Variants in LAMB4 observed in about 807,000 individuals in gnomAD.
LAMB4 encodes laminin subunit beta-4.
In LAMB4, 196 loss-of-function variants were observed where a neutral mutation model predicts 199.2. The ratio of observed to expected loss-of-function variants is 0.98; its 90% CI spans 0.88 to 1.11. The LOEUF (loss-of-function observed/expected upper bound fraction) is 1.11. Ranked by LOEUF, LAMB4 falls within the 50% of genes least tolerant of loss-of-function variation. The probability of loss-of-function intolerance (pLI) is 0.00; values close to 1 mark genes in which losing one functional copy is unlikely to be tolerated. For synonymous variants in LAMB4, 744 were observed against 770.6 expected (o/e 0.97, Z 0.57); for missense variants, 2,080 against 2,171.2 (o/e 0.96, Z 0.83).
At chr7:108,072,905 G>A (rs1296899507) in intron 17 of LAMB4, among the ~76,000 whole-genome samples, 1 of 152,204 alleles carries the variant, frequency 6.6e-6, no homozygotes, top group African/African-American at 2.4e-5. Context: ...GGGGATGAGG[G>A]CAGCCAACCA....
rs759512463 is a variant in LAMB4 at position 108,106,026 on chromosome 7, C to CA, written c.660dup (p.Val221CysfsTer27). The stretch of plus-strand genomic sequence containing the variant: ...TTTATCCTCAGGTTTGTCAATGTCA[C>CA]AAGGTCTAAAGAAAGGAAAATAATG... On this transcript the variant is annotated frameshift_variant, in exon 8 of 34. Coordinates refer to ENST00000388781, the MANE Select transcript of LAMB4 (RefSeq NM_007356.3). LOFTEE classifies it high-confidence loss of function. 3 of 1,613,258 alleles carry CA rather than the reference C, an allele frequency of 1.9e-6. No individual in the cohort carries two copies. Among genetic ancestry groups the CA allele is most frequent in the Non-Finnish European group, 2.5e-6 (3 of 1,179,232 alleles).
Position 108,127,155 on chromosome 7 carries a change from T to G in LAMB4, c.-34+3151A>C, listed in dbSNP as rs934384386. On this transcript the variant is annotated intron_variant, in intron 1 of 33. Transcript: ENST00000388781. ...TAACCCAGTGCTTTCCAAACTTTAC[T>G]GCACATTAAAATCACCAGGGTTTTT... 1.0e-4 allele frequency among the ~76,000 whole-genome samples: 15 copies of G among 150,386 alleles called. No homozygotes were observed. In the East Asian group the frequency reaches 2.9e-3, roughly 29 times the overall value.
chr7:108,054,851 A>G (rs1195121945), intron 25 of LAMB4, among the ~76,000 whole-genome samples: 1 of 152,124 alleles, frequency 6.6e-6, no homozygotes, highest in African/African-American at 2.4e-5. Flanking sequence ...ATCTCAACAA[A>G]TGGTTAAATT....
chr7:108,017,893 A>G, the LAMB4 span, among the ~76,000 whole-genome samples: 1 of 152,230 alleles, frequency 6.6e-6, no homozygotes, highest in African/African-American at 2.4e-5. Context: ...GACCAGGTAT[A>G]TTTATTAGCA....
intron 29 of LAMB4, among the ~76,000 whole-genome samples, chr7:108,039,098 T>A (rs2150502263): frequency 6.6e-6 from 1 of 152,160 alleles, no homozygotes; most frequent in Admixed American, 6.5e-5. Context: ...TATTCTAAAC[T>A]GAGAGAATTA....
intron 1 of LAMB4, among the ~76,000 whole-genome samples, chr7:108,126,999 T>G (rs1466785560): frequency 6.6e-6 from 1 of 152,072 alleles, no homozygotes; most frequent in Non-Finnish European, 1.5e-5. Flanking sequence ...TCAATGTGTA[T>G]AAAACACTCC....
chr7:108,124,437 A>G (rs1348798988), intron 1 of LAMB4, among the ~76,000 whole-genome samples: 1 of 152,194 alleles, frequency 6.6e-6, no homozygotes, highest in Non-Finnish European at 1.5e-5. Context: ...GTGTGTGCAT[A>G]TAACCATATA....
chr7:108,038,205 G>A (rs546802120), intron 29 of LAMB4, among the ~76,000 whole-genome samples: 1 of 152,070 alleles, frequency 6.6e-6, no homozygotes, highest in East Asian at 1.9e-4. Context: ...TCACCAGGCT[G>A]GAGTGCAGTG....
chr7:108,026,844 T>C (rs752191432), intron 33 of LAMB4: 1 of 513,928 alleles, frequency 1.9e-6, no homozygotes, highest in East Asian at 5.5e-5. Context: ...CCGCCCCTTC[T>C]CAAGTGGCAG....
chr7:108,096,503 G>A (rs1025393753), intron 11 of LAMB4, among the ~76,000 whole-genome samples: 3 of 152,074 alleles, frequency 2.0e-5, no homozygotes. Flanking sequence ...ATTATTTTGG[G>A]TATATATGCA....
At chr7:108,081,320 C>T (rs1215704526) in intron 14 of LAMB4, among the ~76,000 whole-genome samples, 1 of 152,058 alleles carries the variant, frequency 6.6e-6, no homozygotes, top group Non-Finnish European at 1.5e-5. Flanking sequence ...GAGCTCACAG[C>T]CAATGACTGA....
At chr7:108,012,985 A>G in the LAMB4 span, among the ~76,000 whole-genome samples, 2 of 152,204 alleles carry the variant, frequency 1.3e-5, no homozygotes, top group East Asian at 3.8e-4. Context: ...ATTTGGACAC[A>G]TGCTTATTGG....
rs751341327 is a variant in LAMB4, at chr7:108,091,633, G to A, written c.1694C>T (p.Ala565Val). Residue 565 changes from alanine (A) to valine (V), a missense_variant, in exon 14 of 34, where the codon GCG (alanine) becomes GTG (valine). Physicochemically the swap from Ala to Val is moderately conservative, Grantham distance 64. Transcript: ENST00000388781. ...AEEATTLQGL[A>V]PLGSETFGQS... ...AGTAAATGAAATACGAACCAAAGGC[G>A]CCAGTCCTTGGAGTGTTGTGGCTTC... The A allele has an allele frequency of 1.2e-6, 2 of 1,613,052 alleles. No individual in the cohort carries two copies. The highest frequency in any genetic ancestry group is 1.7e-6 in the Non-Finnish European group (2 of 1,179,678).
At position 108,095,215 on chromosome 7, in the gene LAMB4, G is replaced by A; in HGVS notation, c.1470+13C>T. The A allele has an allele frequency of 1.3e-6, 2 of 1,589,922 alleles. No homozygotes were observed. The highest frequency in any genetic ancestry group is 1.7e-6 in the Non-Finnish European group (2 of 1,158,708). ...ATCACTATAGAAAAGGGAAACTATAGGCAAATACATACAGTGCATTCTTCG... is the reference window on the plus strand; with the variant it reads ...ATCACTATAGAAAAGGGAAACTATAAGCAAATACATACAGTGCATTCTTCG... On this transcript the variant is annotated intron_variant, in intron 12 of 33. Coordinates refer to ENST00000388781, the MANE Select transcript of LAMB4 (RefSeq NM_007356.3).
intron 28 of LAMB4, chr7:108,044,186 G>A: frequency 4.0e-6 from 1 of 246,952 alleles, no homozygotes; most frequent in Non-Finnish European, 7.6e-6. Flanking sequence ...TGTTTTAATG[G>A]GGCTTTAGCA....
chr7:108,048,133 G>A (rs1267762236), intron 27 of LAMB4, 22 bp from the exon 28 acceptor site: 17 of 1,006,786 alleles, frequency 1.7e-5, no homozygotes, highest in Non-Finnish European at 2.4e-5. Context: ...AATGATTTAC[G>A]TTAAATAGCA....
intron 2 of LAMB4, among the ~76,000 whole-genome samples, chr7:108,118,311 T>C (rs2150687884): frequency 6.6e-6 from 1 of 152,212 alleles, no homozygotes. Context: ...GCAGAGGACC[T>C]AGAATGGCTA....
chr7:108,122,259 A>T (rs2038627267), intron 2 of LAMB4, among the ~76,000 whole-genome samples: 1 of 152,216 alleles, frequency 6.6e-6, no homozygotes, highest in Non-Finnish European at 1.5e-5. Context: ...TTAGTTTCAA[A>T]GAGAACATGT....
chr7:108,053,515 G>C (rs551077270), intron 25 of LAMB4, among the ~76,000 whole-genome samples: 3 of 152,226 alleles, frequency 2.0e-5, no homozygotes, highest in African/African-American at 7.2e-5. Context: ...GGAAATACAG[G>C]CTTCTCTGTG....
Sources: allele counts gnomAD v4.1 joint callset (sites outside exome capture counted in the v4.1 genomes callset), GRCh38; gene constraint gnomAD v4.1.1; transcripts MANE v1.5; gene names NCBI Gene and HGNC (gene_info 2026-07-23, HGNC 2026-07-21).